KLHL14: variants seen among roughly 807,000 people sequenced by gnomAD.
KLHL14 encodes the protein kelch like family member 14.
A neutral mutation model predicts 64.3 loss-of-function variants in KLHL14; 22 were observed. That is an observed-to-expected ratio of 0.34 (90% CI 0.24 to 0.49). The LOEUF is 0.49. KLHL14 is among the 20% of genes least tolerant of loss of function. The probability of loss-of-function intolerance (pLI) is 0.99; values close to 1 mark genes in which losing one functional copy is unlikely to be tolerated. For synonymous variants in KLHL14, 322 were observed against 333.4 expected, an observed-to-expected ratio of 0.97 and a Z score of 0.37; for missense variants, 661 against 789.0, an observed-to-expected ratio of 0.84 and a Z score of 1.94.
At chr18:32,735,739 G>A (rs2050162853) in intron 3 of KLHL14, among the ~76,000 whole-genome samples, 1 of 152,026 alleles carries the variant, frequency 6.6e-6, no homozygotes, top group East Asian at 1.9e-4. Flanking sequence ...TTGCTACCTG[G>A]GATTATTTAT....
intron 2 of KLHL14, among the ~76,000 whole-genome samples, chr18:32,751,542 T>C (rs2050251860): frequency 6.6e-6 from 1 of 152,180 alleles, no homozygotes; most frequent in South Asian, 2.1e-4. Flanking sequence ...ACAACTCTTC[T>C]GTGGCTCTCA....
intron 4 of KLHL14, among the ~76,000 whole-genome samples, chr18:32,687,553 T>C: frequency 6.6e-6 from 1 of 152,192 alleles, no homozygotes; most frequent in East Asian, 1.9e-4. Flanking sequence ...TCAGGTGTTA[T>C]TGGTGTTTTA....
intron 3 of KLHL14, among the ~76,000 whole-genome samples, chr18:32,698,048 A>C (rs1010558665): frequency 6.6e-6 from 1 of 152,170 alleles, no homozygotes; most frequent in Admixed American, 6.6e-5. Context: ...AACTCTCCCA[A>C]ATTTATTTTA....
rs1598545274 is a variant in KLHL14, at chr18:32,680,438, G to C, written c.1400C>G (p.Ala467Gly). 2 of 1,613,998 alleles carry C rather than the reference G, an allele frequency of 1.2e-6. No individual in the cohort carries two copies. The highest frequency in any genetic ancestry group is 1.7e-6 in the Non-Finnish European group (2 of 1,179,910). The part of the protein sequence containing the change: ...LPQPLAAHAG[A>G]VHNGKIYISG... ...AATGTATATTTTCCCATTGTGCACT[G>C]CTCCCGCATGAGCCGCCAGAGGCTG... The change falls in exon 6 of 9, where the codon GCA (alanine) becomes GGA (glycine). Residue 467 changes from alanine (A) to glycine (G), a missense_variant. Transcript: ENST00000359358. This position sits in a 1 kb window ranked among gnomAD's most constrained non-coding sequence, Gnocchi z 4.8.
intron 3 of KLHL14, among the ~76,000 whole-genome samples, chr18:32,708,224 G>A (rs1438270996): frequency 2.0e-5 from 3 of 152,132 alleles, no homozygotes; most frequent in African/African-American, 7.2e-5. Flanking sequence ...CCTCTGGTTG[G>A]GGCCAATGTG....
intron 3 of KLHL14, among the ~76,000 whole-genome samples, chr18:32,706,183 G>C (rs188220148): frequency 1.2e-4 from 18 of 152,168 alleles, no homozygotes; most frequent in Non-Finnish European, 2.4e-4. Context: ...GTGTATGCGT[G>C]ATGTCCAGTA....
At chr18:32,758,249 G>A (rs549624457) in intron 2 of KLHL14, among the ~76,000 whole-genome samples, 1 of 152,206 alleles carries the variant, frequency 6.6e-6, no homozygotes, top group South Asian at 2.1e-4. Flanking sequence ...CAGCCTCTGA[G>A]TATCTGGAAC....
chr18:32,691,722 T>C (rs913503474), intron 4 of KLHL14, among the ~76,000 whole-genome samples: 10 of 152,288 alleles, frequency 6.6e-5, no homozygotes, highest in African/African-American at 2.2e-4. Flanking sequence ...GTGGCTACTA[T>C]TGAGATGCTA....
chr18:32,733,413 A>AG (rs2050146951), intron 3 of KLHL14, among the ~76,000 whole-genome samples: 2 of 151,096 alleles, frequency 1.3e-5, no homozygotes, highest in Non-Finnish European at 3.0e-5. Flanking sequence ...AGAGAGAGAG[A>AG]AGGACACAAG....
At chr18:32,726,236 GA>G (rs1430008526) in intron 3 of KLHL14, among the ~76,000 whole-genome samples, 1 of 152,226 alleles carries the variant, frequency 6.6e-6, no homozygotes, top group Non-Finnish European at 1.5e-5. Flanking sequence ...AGTTGTGACA[GA>G]GACCTTACGG....
At chr18:32,713,944 A>G (rs1313196376) in intron 3 of KLHL14, among the ~76,000 whole-genome samples, 1 of 152,160 alleles carries the variant, frequency 6.6e-6, no homozygotes, top group Non-Finnish European at 1.5e-5. Flanking sequence ...AACACCATTA[A>G]ATTTCTTTTA....
rs1214779593 is a variant in KLHL14 at position 32,769,444 on chromosome 18, TA to T, written c.947+200del. On this transcript the variant is annotated intron_variant, in intron 2 of 8. Coordinates refer to ENST00000359358, the MANE Select transcript of KLHL14 (RefSeq NM_020805.3). ...GCTTTGGAGCGCTCAGGGATGCTGC[TA>T]GGCCAGTTCCCTATTGACCTTTCAG... 3.3e-5 allele frequency among the ~76,000 whole-genome samples: 5 copies of T among 152,326 alleles called. No individual in the cohort carries two copies. The East Asian group carries it at 9.7e-4, about 29-fold the overall frequency.
chr18:32,685,104 C>T (rs1021192120), intron 5 of KLHL14, among the ~76,000 whole-genome samples: 1 of 151,990 alleles, frequency 6.6e-6, no homozygotes, highest in Non-Finnish European at 1.5e-5. Flanking sequence ...TAGAAAGAAA[C>T]GTTAAACAGT....
intron 3 of KLHL14, among the ~76,000 whole-genome samples, chr18:32,735,221 T>G (rs964049407): frequency 1.3e-5 from 2 of 152,250 alleles, no homozygotes; most frequent in East Asian, 3.9e-4. Context: ...ACTTTTTGAC[T>G]AACGGCATCT....
At chr18:32,730,292 G>A (rs943731891) in intron 3 of KLHL14, among the ~76,000 whole-genome samples, 4 of 152,152 alleles carry the variant, frequency 2.6e-5, no homozygotes, top group Non-Finnish European at 5.9e-5. Context: ...CAAGAAATCC[G>A]TGAGCTATGA....
intron 4 of KLHL14, among the ~76,000 whole-genome samples, chr18:32,690,354 A>G (rs1039650594): frequency 6.6e-6 from 1 of 152,182 alleles, no homozygotes; most frequent in Non-Finnish European, 1.5e-5. Context: ...CTTGCCTCCA[A>G]TAATATAAAG....
rs777812546 is a variant in KLHL14, at chr18:32,680,418, A to G, written c.1420T>C (p.Tyr474His). ...HAGAVHNGKI[Y>H]ISGGVHNGEY... ...TGGAGGAATTACTTGCCTGAAATGTATATTTTCCCATTGTGCACTGCTCCC... is the reference window on the plus strand; with the variant it reads ...TGGAGGAATTACTTGCCTGAAATGTGTATTTTCCCATTGTGCACTGCTCCC... Residue 474 changes from tyrosine (Y) to histidine (H), a missense_variant, in exon 6 of 9, where the codon TAC (tyrosine) becomes CAC (histidine). Around this residue, in one of 2 missense-constraint regions of KLHL14, gnomAD observed 330 missense variants for 450.0 expected, o/e 0.73. Transcript: ENST00000359358. The surrounding 1 kb of genome is among the most constrained non-coding windows in gnomAD (Gnocchi z 4.8). The G allele has an allele frequency of 8.1e-6, 13 of 1,613,944 alleles. No individual in the cohort carries two copies. The highest frequency in any genetic ancestry group is 3.3e-5 in the Admixed American group (2 of 59,988).
In KLHL14 at chr18:32,750,068, GCTCTCCTCTCT is replaced by G. The variant is rs562082140; in HGVS notation, c.948-8030_948-8020del. Among the ~76,000 whole-genome samples, 272 of 151,484 alleles carry G rather than the reference GCTCTCCTCTCT, an allele frequency of 1.8e-3. 2 individuals carry two copies. The highest frequency in any genetic ancestry group is 6.4e-3 in the African/African-American group (263 of 41,344). On this transcript the variant is annotated intron_variant, in intron 2 of 8. Transcript: ENST00000359358. ...GAGAGAGAGGAGAGCACACGTGTGTGCTCTCCTCTCTCTTCTTATAAAGCCGCTAATTCCAT... is the reference window on the plus strand; with the variant it reads ...GAGAGAGAGGAGAGCACACGTGTGTGCTTCTTATAAAGCCGCTAATTCCAT...
At chr18:32,706,869 G>A (rs569039482) in intron 3 of KLHL14, among the ~76,000 whole-genome samples, 70 of 152,290 alleles carry the variant, frequency 4.6e-4, no homozygotes, top group African/African-American at 1.6e-3. Flanking sequence ...AGCTTGACAG[G>A]CACAGGGAGA....
Sources: allele counts gnomAD v4.1 joint callset (sites outside exome capture counted in the v4.1 genomes callset), GRCh38; gene constraint gnomAD v4.1.1; regional missense constraint gnomAD v4.1.1; non-coding constraint Gnocchi (gnomAD v3.1); transcripts MANE v1.5; gene names NCBI Gene and HGNC (gene_info 2026-07-23, HGNC 2026-07-21).